SLC44A5: variants seen among roughly 807,000 people sequenced by gnomAD.
The protein encoded by SLC44A5 is choline transporter-like protein 5.
In SLC44A5, 57 loss-of-function variants were observed where a neutral mutation model predicts 101.8. The ratio of observed to expected loss-of-function variants is 0.56; its 90% CI spans 0.45 to 0.70. The LOEUF is 0.70. Ranked by LOEUF, SLC44A5 falls within the 30% of genes least tolerant of loss-of-function variation. SLC44A5 has a pLI of 0.00. For missense variants in SLC44A5, 737 were observed against 853.1 expected (o/e 0.86, Z 1.70); for synonymous variants, 281 against 290.9 (o/e 0.97, Z 0.35).
chr1:75,449,182 G>T (rs1665755251), intron 2 of SLC44A5, among the ~76,000 whole-genome samples: 2 of 152,168 alleles, frequency 1.3e-5, no homozygotes, highest in Non-Finnish European at 2.9e-5. Context: ...TGTTGGTAAT[G>T]ATACATTTAT....
At position 75,544,636 on chromosome 1, in the gene SLC44A5, AC is replaced by A. The variant is rs1274165085; in HGVS notation, c.-69-3121del. On this transcript the variant is annotated intron_variant, in intron 1 of 23. Transcript: ENST00000370859. ...ATAAAGAATGTTCTCATAAATTAAC[AC>A]AGTATATTTATCAAATCCAAGAATT... 1.7e-4 allele frequency among the ~76,000 whole-genome samples: 26 copies of A among 152,328 alleles called. 1 individual carries two copies. The South Asian group carries it at 5.4e-3, about 32-fold the overall frequency.
chr1:75,614,009 T>A (rs1360850874), upstream of SLC44A5, among the ~76,000 whole-genome samples: 2 of 152,182 alleles, frequency 1.3e-5, no homozygotes, highest in African/African-American at 4.8e-5. Flanking sequence ...TTTTTTCCAC[T>A]CTTCATGGAC....
chr1:75,713,886 T>G, the SLC44A5 span, among the ~76,000 whole-genome samples: 1 of 151,752 alleles, frequency 6.6e-6, no homozygotes, highest in African/African-American at 2.4e-5. Flanking sequence ...GAATGCAACC[T>G]TAACCTCCCG....
intron 1 of SLC44A5, among the ~76,000 whole-genome samples, chr1:75,558,351 T>C (rs922968720): frequency 6.6e-6 from 1 of 152,118 alleles, no homozygotes; most frequent in African/African-American, 2.4e-5. Context: ...GTGTTGGTTA[T>C]GGAGACGTGT....
chr1:75,233,088 A>C (rs2100565003), intron 12 of SLC44A5, among the ~76,000 whole-genome samples: 1 of 152,276 alleles, frequency 6.6e-6, no homozygotes, highest in African/African-American at 2.4e-5. Flanking sequence ...GGAAGCTTCC[A>C]CAGGTGGTAT....
upstream of SLC44A5, among the ~76,000 whole-genome samples, chr1:75,615,038 G>C (rs147436176): frequency 5.7e-3 from 864 of 152,156 alleles, 13 homozygotes; most frequent in Admixed American, 0.034. Context: ...GCTCCCTCCC[G>C]AGTCGCGCCC....
chr1:75,284,312 G>T (rs1410600654), intron 5 of SLC44A5, among the ~76,000 whole-genome samples: 1 of 152,046 alleles, frequency 6.6e-6, no homozygotes, highest in Non-Finnish European at 1.5e-5. Context: ...TGGTCACTTT[G>T]TGTATAGCAG....
chr1:75,450,141 G>A (rs12402118), intron 2 of SLC44A5, among the ~76,000 whole-genome samples: 51,325 of 152,030 alleles, frequency 0.34, 8,742 homozygotes, highest in Middle Eastern at 0.4. Context: ...AACTTCCCCC[G>A]TGACACCAAT....
intron 2 of SLC44A5, among the ~76,000 whole-genome samples, chr1:75,528,909 T>A (rs1670572413): frequency 6.6e-6 from 1 of 152,186 alleles, no homozygotes; most frequent in Non-Finnish European, 1.5e-5. Flanking sequence ...CTTATTCATC[T>A]TTCATGTAAA....
chr1:75,542,278 A>G (rs1570572129), intron 1 of SLC44A5, among the ~76,000 whole-genome samples: 1 of 152,240 alleles, frequency 6.6e-6, no homozygotes, highest in East Asian at 1.9e-4. Context: ...TTCCATAACC[A>G]TAGTATAGTT....
At chr1:75,367,970 A>G (rs749471315) in intron 3 of SLC44A5, among the ~76,000 whole-genome samples, 2 of 152,232 alleles carry the variant, frequency 1.3e-5, no homozygotes, top group Non-Finnish European at 2.9e-5. Flanking sequence ...GCATTTTTAT[A>G]CCACATTCTC....
intron 2 of SLC44A5, among the ~76,000 whole-genome samples, chr1:75,537,033 A>AATATAT (rs61399659): frequency 4.6e-5 from 2 of 43,046 alleles, no homozygotes; most frequent in African/African-American, 1.1e-4. Context: ...AAAAAAAAAA[A>AATATAT]ATATATATCT....
intron 2 of SLC44A5, among the ~76,000 whole-genome samples, chr1:75,481,986 C>T (rs1295706440): frequency 6.6e-6 from 1 of 152,040 alleles, no homozygotes; most frequent in East Asian, 1.9e-4. Context: ...TTTATTGTGG[C>T]ACTATTCACA....
chr1:75,576,550 C>A (rs1481042304), intron 1 of SLC44A5, among the ~76,000 whole-genome samples: 2 of 152,088 alleles, frequency 1.3e-5, no homozygotes, highest in Non-Finnish European at 2.9e-5. Context: ...GATCTCCTGA[C>A]CTCGTGATCC....
Position 75,219,749 on chromosome 1 carries a change from C to A in SLC44A5, c.1178+51G>T, listed in dbSNP as rs768862380. 72 of 1,145,212 alleles carry A rather than the reference C, an allele frequency of 6.3e-5. No homozygotes were observed. In the Middle Eastern group the frequency reaches 1.2e-3, roughly 19 times the overall value. The allele number at this position is 1,145,212 out of a possible 1,614,324, so 70.9% of individuals were successfully genotyped here. A position where few individuals can be genotyped will look rare whatever the true frequency, so the allele number is the denominator to read the frequency against. On this transcript the variant is annotated intron_variant, in intron 15 of 23. Transcript: ENST00000370859. ...ACACTGAACACAAACTCCTGGTTCA[C>A]GAGTAGTCATGTGAACCTGAGGTTT...
the SLC44A5 span, among the ~76,000 whole-genome samples, chr1:75,705,816 G>C: frequency 6.6e-6 from 1 of 152,038 alleles, no homozygotes; most frequent in African/African-American, 2.4e-5. Context: ...AGGTAGCTTG[G>C]ATTACAGGTG....
chr1:75,508,836 A>G (rs1669410078), intron 2 of SLC44A5, among the ~76,000 whole-genome samples: 2 of 152,242 alleles, frequency 1.3e-5, no homozygotes, highest in Admixed American at 1.3e-4. Context: ...AATATGAGAG[A>G]ATAATTTAGG....
At chr1:75,213,491 ATC>A (rs10530971) in intron 22 of SLC44A5, among the ~76,000 whole-genome samples, 88,565 of 151,162 alleles carry the variant, frequency 0.59, 26,363 homozygotes, top group East Asian at 0.83. Flanking sequence ...GAAAGAGATA[ATC>A]TCTCTCTCTC....
chr1:75,254,703 A>G (rs897161769), intron 6 of SLC44A5, among the ~76,000 whole-genome samples: 13 of 151,802 alleles, frequency 8.6e-5, no homozygotes, highest in African/African-American at 3.1e-4. Flanking sequence ...ACAGGGGTAC[A>G]GGGAGGGTGG....
Sources: gnomAD v4.1 joint callset for allele counts (sites outside exome capture counted in the v4.1 genomes callset) on GRCh38, gnomAD v4.1.1 for gene constraint, MANE v1.5 for transcripts, NCBI Gene and HGNC (gene_info 2026-07-23, HGNC 2026-07-21) for gene names.